CPA3: variants seen among roughly 807,000 people sequenced by gnomAD.
CPA3 encodes the protein mast cell carboxypeptidase A.
CPA3 carries 52 observed loss-of-function variants against 55.8 expected under a neutral mutation model. The ratio of observed to expected loss-of-function variants is 0.93; its 90% CI spans 0.75 to 1.17. CPA3 has a LOEUF of 1.17. CPA3 is among the 50% of genes most tolerant of loss of function. The pLI, the probability that CPA3 is intolerant of heterozygous loss-of-function variation, is 0.00. For synonymous variants in CPA3, 179 were observed against 171.2 expected (o/e 1.05, Z -0.36); for missense variants, 547 against 509.1 (o/e 1.07, Z -0.72).
At chr3:148,896,280 A>G (rs1039442240) in intron 10 of CPA3, among the ~76,000 whole-genome samples, 2 of 152,176 alleles carry the variant, frequency 1.3e-5, no homozygotes, top group Non-Finnish European at 2.9e-5. Flanking sequence ...AATAAACTCA[A>G]CTTACTACTC....
chr3:148,877,148 C>T (rs116830135), intron 3 of CPA3, among the ~76,000 whole-genome samples: 93 of 152,308 alleles, frequency 6.1e-4, no homozygotes, highest in African/African-American at 1.9e-3. Context: ...GTGACCATTA[C>T]AGCCACTGGA....
intron 6 of CPA3, 141 bp from the exon 7 acceptor site, chr3:148,881,381 A>AT: frequency 1.7e-6 from 1 of 578,926 alleles, no homozygotes; most frequent in African/African-American, 1.9e-5. Context: ...TGGATTGTTT[A>AT]TTTTTGTTCA....
intron 3 of CPA3, among the ~76,000 whole-genome samples, chr3:148,876,772 T>C (rs1383983972): frequency 6.6e-6 from 1 of 152,224 alleles, no homozygotes; most frequent in Admixed American, 6.5e-5. Context: ...TAATTAAATA[T>C]GATTTGGTTT....
At position 148,886,799 on chromosome 3, in the gene CPA3, T is replaced by C. The variant is rs78983676; in HGVS notation, c.1066+622T>C. Among the ~76,000 whole-genome samples, 894 of 152,312 alleles carry C rather than the reference T, an allele frequency of 5.9e-3. 5 individuals are homozygous for C. The highest frequency in any genetic ancestry group is 0.02 in the African/African-American group (840 of 41,576). On this transcript the variant is annotated intron_variant, in intron 10 of 10. Coordinates refer to ENST00000296046, the MANE Select transcript of CPA3 (RefSeq NM_001870.4). ...TACTTGCCTTGTCTACATGTAAGTA[T>C]GGTCTTTTCCCTAGCTGAAAAACAG... is the stretch of plus-strand genomic sequence containing the variant.
chr3:148,868,853 C>A lies in CPA3; in HGVS notation c.145-62C>A, dbSNP rs549388336. The A allele has an allele frequency of 7.7e-5, 121 of 1,569,532 alleles. 2 individuals are homozygous for A. The Middle Eastern group carries it at 1.4e-3, about 18-fold the overall frequency. ...CATGGTGTATGAGACATGATCATTT[C>A]TTAATCAATAAGTGTTGGGTAAGCA... On this transcript the variant is annotated intron_variant, in intron 2 of 10. Coordinates refer to ENST00000296046, the MANE Select transcript of CPA3 (RefSeq NM_001870.4).
At chr3:148,866,227 C>G (rs1255724127) in intron 2 of CPA3, among the ~76,000 whole-genome samples, 1 of 152,210 alleles carries the variant, frequency 6.6e-6, no homozygotes, top group Non-Finnish European at 1.5e-5. Flanking sequence ...AAACCCAGAA[C>G]TGGGTCTGGG....
chr3:148,877,225 A>AT (rs1341580226), intron 3 of CPA3, among the ~76,000 whole-genome samples: 1 of 152,078 alleles, frequency 6.6e-6, no homozygotes, highest in Non-Finnish European at 1.5e-5. Context: ...GCCGGGAGCA[A>AT]TGGCTCACGC....
chr3:148,878,454 G>C lies in CPA3; in HGVS notation c.283G>C (p.Asp95His), dbSNP rs866956006. 7 of 1,608,462 alleles carry C rather than the reference G, an allele frequency of 4.4e-6. No homozygotes were observed. The highest frequency in any genetic ancestry group is 6.0e-6 in the Non-Finnish European group (7 of 1,175,140). ...CCTGTCAAACAGAATCTTGATTCAT[G>C]ATCTACAAGAAGAGATTGAGAAACA... ...NKMHYEILIH[D>H]LQEEIEKQFD... The change falls in exon 4 of 11, where the codon GAT becomes CAT. Residue 95 changes from aspartate (D) to histidine (H), a missense_variant. Physicochemically the swap from Asp to His is moderately conservative, Grantham distance 81. Transcript: ENST00000296046.
chr3:148,896,546 T>C lies in CPA3; in HGVS notation c.1093T>C (p.Trp365Arg), dbSNP rs771383713. ...IYPISGSSLD[W>R]AYDLGIKHTF... ...CCCGATATCAGGTTCTTCTTTAGACTGGGCTTATGACCTGGGCATCAAACA... is the reference window on the plus strand; with the variant it reads ...CCCGATATCAGGTTCTTCTTTAGACCGGGCTTATGACCTGGGCATCAAACA... The change falls in exon 11 of 11, where the codon TGG (tryptophan) becomes CGG (arginine). Residue 365 changes from tryptophan (W) to arginine (R), a missense_variant. Coordinates refer to ENST00000296046, the MANE Select transcript of CPA3 (RefSeq NM_001870.4). 25 of 1,535,140 alleles carry C rather than the reference T, an allele frequency of 1.6e-5. No individual in the cohort carries two copies. The South Asian group carries it at 2.7e-4, about 17-fold the overall frequency.
chr3:148,876,605 G>A (rs935817552), intron 3 of CPA3, among the ~76,000 whole-genome samples: 1 of 152,076 alleles, frequency 6.6e-6, no homozygotes, highest in Non-Finnish European at 1.5e-5. Flanking sequence ...TCAAACTTCT[G>A]GCCTCATGTG....
chr3:148,884,132 A>T (rs181896222), intron 9 of CPA3, among the ~76,000 whole-genome samples: 6 of 152,322 alleles, frequency 3.9e-5, no homozygotes, highest in Admixed American at 2.0e-4. Flanking sequence ...TTGTACGGTA[A>T]AACCATGCAC....
At position 148,886,444 on chromosome 3, in the gene CPA3, A is replaced by G. The variant is rs542545818; in HGVS notation, c.1066+267A>G. On this transcript the variant is annotated intron_variant, in intron 10 of 10. Coordinates refer to ENST00000296046, the MANE Select transcript of CPA3 (RefSeq NM_001870.4). ...AGCTATTAAGTCAAGACAGATTTAC[A>G]GTTTACTTTATCTACCTTCCTGTTT... is the stretch of plus-strand genomic sequence containing the variant. 4.6e-5 allele frequency among the ~76,000 whole-genome samples: 7 copies of G among 152,288 alleles called. 1 individual carries two copies. The East Asian group carries it at 1.4e-3, about 29-fold the overall frequency.
chr3:148,888,290 C>G (rs1714585980), intron 10 of CPA3, among the ~76,000 whole-genome samples: 2 of 152,218 alleles, frequency 1.3e-5, no homozygotes. Context: ...GCTTCTTTGG[C>G]AGAACTGGAA....
At chr3:148,876,297 CTTATA>C (rs1164739945) in intron 3 of CPA3, among the ~76,000 whole-genome samples, 1 of 151,076 alleles carries the variant, frequency 6.6e-6, no homozygotes, top group African/African-American at 2.4e-5. Flanking sequence ...TAATAAAATT[CTTATA>C]TTTATTTATA....
intron 3 of CPA3, among the ~76,000 whole-genome samples, chr3:148,872,326 T>C (rs1714086838): frequency 6.6e-6 from 1 of 152,216 alleles, no homozygotes; most frequent in Admixed American, 6.5e-5. Flanking sequence ...AATCCTAGTG[T>C]TTTTAACATT....
chr3:148,873,398 CA>C (rs1714123056), intron 3 of CPA3, among the ~76,000 whole-genome samples: 6 of 151,978 alleles, frequency 3.9e-5, no homozygotes, highest in Admixed American at 2.0e-4. Context: ...CACACACACA[CA>C]CCCCAGAGCC....
chr3:148,875,662 G>T (rs191648693), intron 3 of CPA3, among the ~76,000 whole-genome samples: 9 of 151,884 alleles, frequency 5.9e-5, no homozygotes, highest in Admixed American at 1.3e-4. Context: ...ATTCCTTCTG[G>T]GTTAAACAAG....
intron 3 of CPA3, among the ~76,000 whole-genome samples, chr3:148,873,907 A>G (rs2108031149): frequency 6.6e-6 from 1 of 152,346 alleles, no homozygotes; most frequent in East Asian, 1.9e-4. Context: ...ATTATTCAAT[A>G]CTCAGTGATA....
chr3:148,866,047 T>G (rs540910751), intron 2 of CPA3, among the ~76,000 whole-genome samples: 1 of 152,320 alleles, frequency 6.6e-6, no homozygotes, highest in African/African-American at 2.4e-5. Flanking sequence ...TAATATAATT[T>G]TATCATGTAT....
Sources: allele counts gnomAD v4.1 joint callset (sites outside exome capture counted in the v4.1 genomes callset), GRCh38; gene constraint gnomAD v4.1.1; transcripts MANE v1.5; gene names NCBI Gene and HGNC (gene_info 2026-07-23, HGNC 2026-07-21).